UNKL: variants seen among roughly 807,000 people sequenced by gnomAD.
UNKL encodes unk like zinc finger, also known as putative E3 ubiquitin-protein ligase UNKL.
In UNKL, 60 loss-of-function variants were observed where a neutral mutation model predicts 78.0. The observed-to-expected ratio is 0.77, with a 90% CI of 0.63 to 0.95. The LOEUF is 0.95. UNKL is among the 40% of genes least tolerant of loss of function. The probability of loss-of-function intolerance (pLI) is 0.00; values close to 1 mark genes in which losing one functional copy is unlikely to be tolerated. For synonymous variants in UNKL, 608 were observed against 474.8 expected, an observed-to-expected ratio of 1.28 and a Z score of -3.65; for missense variants, 1,159 against 1,045.7, an observed-to-expected ratio of 1.11 and a Z score of -1.49.
At chr16:1,405,227 G>A (rs1360933688) in intron 2 of UNKL, among the ~76,000 whole-genome samples, 3 of 148,430 alleles carry the variant, frequency 2.0e-5, no homozygotes, top group African/African-American at 7.6e-5. Flanking sequence ...AAAAAAAGGA[G>A]GCGAGGAAGG....
At chr16:1,375,459 G>A (rs939862237) in intron 10 of UNKL, among the ~76,000 whole-genome samples, 6 of 152,208 alleles carry the variant, frequency 3.9e-5, no homozygotes, top group African/African-American at 1.2e-4. Flanking sequence ...CGTGGAGGCC[G>A]GGCTGTGGCG....
At chr16:1,392,650 G>T (rs908868554) in intron 8 of UNKL, among the ~76,000 whole-genome samples, 3 of 152,140 alleles carry the variant, frequency 2.0e-5, no homozygotes, top group Non-Finnish European at 4.4e-5. Flanking sequence ...GGCCAGGCTG[G>T]TCTTGAACTC....
chr16:1,374,899 A>G (rs1415674656), intron 10 of UNKL, among the ~76,000 whole-genome samples: 1 of 152,234 alleles, frequency 6.6e-6, no homozygotes, highest in Admixed American at 6.5e-5. Flanking sequence ...ATCAGCAGGA[A>G]AGGCAGGAGG....
intron 2 of UNKL, among the ~76,000 whole-genome samples, chr16:1,406,800 A>C (rs1347729604): frequency 6.6e-6 from 1 of 152,156 alleles, no homozygotes; most frequent in East Asian, 1.9e-4. Context: ...TAAGGCATTC[A>C]ACATTTTAAA....
chr16:1,379,017 G>A (rs929103933), intron 10 of UNKL: 2 of 152,338 alleles, frequency 1.3e-5, no homozygotes, highest in East Asian at 1.9e-4. Flanking sequence ...ACCTAAGCGA[G>A]TACAGCTGGG....
At chr16:1,414,118 G>A (rs2038171832) in intron 1 of UNKL, 63 bp from the exon 2 acceptor site, 2 of 1,472,284 alleles carry the variant, frequency 1.4e-6, no homozygotes, top group Admixed American at 2.2e-5. Context: ...CGGACTCGTG[G>A]GCGGCGGGAC....
intron 10 of UNKL, among the ~76,000 whole-genome samples, chr16:1,381,677 T>C (rs545862588): frequency 1.3e-5 from 2 of 152,230 alleles, no homozygotes; most frequent in Non-Finnish European, 2.9e-5. Context: ...ACTTCATCCC[T>C]GACCTCTGAG....
In UNKL at chr16:1,400,996, G is replaced by GT. The variant is rs1022786395; in HGVS notation, c.598+571dup. On this transcript the variant is annotated intron_variant, in intron 4 of 14. Coordinates refer to ENST00000389221, the MANE Select transcript of UNKL (RefSeq NM_001372107.1). Reference sequence around the variant, plus strand: ...GAGCCAGTGCTCCCAGCCTTACCACGTTTTTTTTCAAATCAAAATCTCCCC... The same window carrying GT: ...GAGCCAGTGCTCCCAGCCTTACCACGTTTTTTTTTCAAATCAAAATCTCCCC... 4.6e-5 allele frequency among the ~76,000 whole-genome samples: 7 copies of GT among 152,026 alleles called. 1 individual carries two copies. The South Asian group carries it at 1.0e-3, about 23-fold the overall frequency.
chr16:1,407,047 G>A (rs1373041391), intron 2 of UNKL, among the ~76,000 whole-genome samples: 2 of 151,918 alleles, frequency 1.3e-5, no homozygotes, highest in South Asian at 2.1e-4. Flanking sequence ...TACTCGGGAG[G>A]TTGAGGCAGG....
chr16:1,411,739 C>T (rs530349150), intron 2 of UNKL, among the ~76,000 whole-genome samples: 5 of 151,996 alleles, frequency 3.3e-5, no homozygotes, highest in African/African-American at 9.6e-5. Context: ...GCAGGAGAAT[C>T]GCTTGAACCT....
intron 8 of UNKL, among the ~76,000 whole-genome samples, chr16:1,391,259 C>CACACACACAA (rs1555457668): frequency 3.1e-3 from 8 of 2,598 alleles, no homozygotes; most frequent in African/African-American, 7.2e-3. Context: ...CACACACACA[C>CACACACACAA]ACACACACAC....
At chr16:1,395,252 C>T (rs1208119797) in intron 6 of UNKL, among the ~76,000 whole-genome samples, 1 of 150,458 alleles carries the variant, frequency 6.6e-6, no homozygotes, top group African/African-American at 2.5e-5. Flanking sequence ...ACTGCAACCT[C>T]TGCCTCCTGG....
At chr16:1,404,932 A>G (rs1249367482) in intron 2 of UNKL, among the ~76,000 whole-genome samples, 4 of 152,102 alleles carry the variant, frequency 2.6e-5, no homozygotes, top group Non-Finnish European at 5.9e-5. Context: ...ACTGGCTGAC[A>G]TCTGTAATCC....
intron 8 of UNKL, among the ~76,000 whole-genome samples, chr16:1,391,195 A>ACACAC (rs1254758810): frequency 1.5e-5 from 2 of 130,362 alleles, no homozygotes; most frequent in African/African-American, 5.8e-5. Flanking sequence ...ACACACACAC[A>ACACAC]ATATATATGT....
intron 10 of UNKL, chr16:1,383,743 C>A (rs780589959): frequency 4.9e-6 from 2 of 412,142 alleles, no homozygotes; most frequent in Non-Finnish European, 5.1e-6. Context: ...CGGGCCGCCG[C>A]CCACATTGAC....
Position 1,385,355 on chromosome 16 carries a change from G to A in UNKL, c.1117C>T (p.Pro373Ser). ...CTGGAGCTCACGCTGGGGGCCGGCG[G>A]GTGGACCGCTGCAAACACGGCCAGG... ...NHLAVFAAVHPPAPSVSSSVA... is the reference protein window; with the variant it reads ...NHLAVFAAVHSPAPSVSSSVA... Residue 373 changes from proline (P) to serine (S), a missense_variant, in exon 10 of 15, where the codon CCG (proline) becomes TCG (serine). Coordinates refer to ENST00000389221, the MANE Select transcript of UNKL (RefSeq NM_001372107.1). 1.4e-6 allele frequency: 2 copies of A among 1,415,252 alleles called. No individual in the cohort carries two copies. The highest frequency in any genetic ancestry group is 3.0e-5 in the Admixed American group (1 of 32,980). The allele number at this position is 1,415,252 out of a possible 1,614,324, so 87.7% of individuals were successfully genotyped here. A position where few individuals can be genotyped will look rare whatever the true frequency, so the allele number is the denominator to read the frequency against.
rs2035031407 is a variant in UNKL, at chr16:1,363,879, CCTGGGGCTCCCCAGCT to C, written c.*2345_*2360del. On this transcript the variant is annotated 3_prime_UTR_variant, in exon 15 of 15. Transcript: ENST00000389221. Reference sequence around the variant, plus strand: ...TCCATCTCCCAGCTGTCCCCCCACCCCTGGGGCTCCCCAGCTCTACCACCCCGGAAGCTGAGCCCTG... The same window carrying C: ...TCCATCTCCCAGCTGTCCCCCCACCCCTACCACCCCGGAAGCTGAGCCCTG... 1 of 152,522 alleles carries C rather than the reference CCTGGGGCTCCCCAGCT, an allele frequency of 6.6e-6. No individual in the cohort carries two copies. Among genetic ancestry groups the C allele is most frequent in the African/African-American group, 2.4e-5 (1 of 41,446 alleles). 9.4% of individuals were successfully genotyped at this position (152,522 alleles called of 1,614,324 possible).
chr16:1,378,500 A>G (rs2036407311), intron 10 of UNKL, among the ~76,000 whole-genome samples: 1 of 152,178 alleles, frequency 6.6e-6, no homozygotes, highest in Non-Finnish European at 1.5e-5. Flanking sequence ...CTCCCCTTGG[A>G]GTGGGGTGAT....
In UNKL at chr16:1,392,235, T is replaced by C. The variant is rs113319185; in HGVS notation, c.1023+656A>G. 1.8e-3 allele frequency among the ~76,000 whole-genome samples: 268 copies of C among 152,290 alleles called. 2 individuals carry two copies. Among genetic ancestry groups the C allele is most frequent in the African/African-American group, 5.0e-3 (206 of 41,564 alleles). ...TGAGTTGAAGGCAGCTGAGAAACAG[T>C]AGATGCAGGAGCAGCTCTCTGCTTC... On this transcript the variant is annotated intron_variant, in intron 8 of 14. Transcript: ENST00000389221.
Sources: allele counts gnomAD v4.1 joint callset (sites outside exome capture counted in the v4.1 genomes callset), GRCh38; gene constraint gnomAD v4.1.1; transcripts MANE v1.5; gene names NCBI Gene and HGNC (gene_info 2026-07-23, HGNC 2026-07-21).